NRCAM: variants seen among roughly 807,000 people sequenced by gnomAD.
NRCAM encodes NgCAM-related cell adhesion molecule.
NRCAM carries 83 observed loss-of-function variants against 156.5 expected under a neutral mutation model. The ratio of observed to expected loss-of-function variants is 0.53; its 90% CI spans 0.44 to 0.64. NRCAM has a LOEUF of 0.64. Among genes scored for constraint, NRCAM ranks in the 30% least tolerant of loss-of-function variants. The probability of loss-of-function intolerance (pLI) is 0.00; values close to 1 mark genes in which losing one functional copy is unlikely to be tolerated. For synonymous variants in NRCAM, 538 were observed against 563.9 expected (o/e 0.95, Z 0.65); for missense variants, 1,417 against 1,597.3 (o/e 0.89, Z 1.92).
Position 108,167,063 on chromosome 7 carries a change from T to A in NRCAM, c.3324A>T (p.Glu1108Asp). Residue 1108 changes from glutamate (E) to aspartate (D), a missense_variant, in exon 30 of 33, where the codon GAA becomes GAT. By Grantham distance (45) the Glu-to-Asp change is conservative. Transcript: ENST00000379028. ...AACCATTTACAATTTCTTTTCTCCA[T>A]TCTTCTTTGCCTATGGAAATTTTGC... Reference protein sequence around the residue: ...VEYGVAGSKEEWRKEIVNGSR... With the variant: ...VEYGVAGSKEDWRKEIVNGSR... 1 of 1,613,088 alleles carries A rather than the reference T, an allele frequency of 6.2e-7. No individual in the cohort carries two copies. The highest frequency in any genetic ancestry group is 1.1e-5 in the South Asian group (1 of 90,940).
chr7:108,280,644 A>G (rs1243689185), intron 3 of NRCAM, among the ~76,000 whole-genome samples: 1 of 152,258 alleles, frequency 6.6e-6, no homozygotes, highest in Non-Finnish European at 1.5e-5. Flanking sequence ...GCTACTGAAA[A>G]TAGTTTGACC....
chr7:108,316,378 A>AT (rs1186168519), intron 2 of NRCAM, among the ~76,000 whole-genome samples: 3 of 152,152 alleles, frequency 2.0e-5, no homozygotes, highest in Non-Finnish European at 4.4e-5. Flanking sequence ...AAATACATTT[A>AT]TTTTCCTTAT....
At chr7:108,329,585 G>C (rs1421752305) in intron 2 of NRCAM, among the ~76,000 whole-genome samples, 1 of 152,140 alleles carries the variant, frequency 6.6e-6, no homozygotes, top group Non-Finnish European at 1.5e-5. Flanking sequence ...AAACTGTTCT[G>C]CATTTATTAC....
At chr7:108,198,136 T>C in intron 13 of NRCAM, 37 bp from the exon 14 acceptor site, 1 of 1,555,464 alleles carries the variant, frequency 6.4e-7, no homozygotes, top group Non-Finnish European at 8.7e-7. Context: ...TTTATTCCTA[T>C]TTGCTTAAAA....
intron 3 of NRCAM, among the ~76,000 whole-genome samples, chr7:108,245,330 TA>T (rs1204726541): frequency 1.3e-5 from 2 of 152,078 alleles, no homozygotes; most frequent in African/African-American, 4.8e-5. Context: ...TTACTGATGT[TA>T]AAAAAAGAAA....
At chr7:108,204,865 G>T (rs574440297) in intron 13 of NRCAM, among the ~76,000 whole-genome samples, 6 of 152,278 alleles carry the variant, frequency 3.9e-5, no homozygotes, top group African/African-American at 1.4e-4. Context: ...ACAATTTAGG[G>T]TTACAAGAGG....
intron 20 of NRCAM, among the ~76,000 whole-genome samples, chr7:108,185,140 T>G (rs2065904614): frequency 6.6e-6 from 1 of 152,100 alleles, no homozygotes; most frequent in African/African-American, 2.4e-5. Flanking sequence ...CTTCGTTGAC[T>G]ATGACACAAG....
At chr7:108,423,397 G>A (rs1410329512) in intron 1 of NRCAM, among the ~76,000 whole-genome samples, 1 of 151,984 alleles carries the variant, frequency 6.6e-6, no homozygotes, top group Non-Finnish European at 1.5e-5. Flanking sequence ...AAGTGGGGAT[G>A]GGGGTGGAAA....
At chr7:108,273,066 A>G (rs1487284050) in intron 3 of NRCAM, among the ~76,000 whole-genome samples, 31 of 152,202 alleles carry the variant, frequency 2.0e-4, no homozygotes, top group Admixed American at 2.0e-3. Flanking sequence ...GTCCCTACAA[A>G]GGACATGAAC....
intron 2 of NRCAM, among the ~76,000 whole-genome samples, chr7:108,391,134 CTT>C (rs1157244218): frequency 3.9e-5 from 6 of 152,120 alleles, no homozygotes; most frequent in Admixed American, 6.6e-5. Context: ...TCCCTATTAA[CTT>C]TCTGTCTTGT....
In NRCAM at chr7:108,410,666, A is replaced by G. The variant is rs1306183466; in HGVS notation, c.-331-11073T>C. Among the ~76,000 whole-genome samples, 3 of 152,318 alleles carry G rather than the reference A, an allele frequency of 2.0e-5. No individual in the cohort carries two copies. In the East Asian group the frequency reaches 5.8e-4, roughly 29 times the overall value. On this transcript the variant is annotated intron_variant, in intron 1 of 32. Coordinates refer to ENST00000379028, the MANE Select transcript of NRCAM (RefSeq NM_001037132.4). Reference sequence around the variant, plus strand: ...ACAGTACTAAGAACTTTGTAAGGAGAACTGTCCAAGGACAAAACAGGTCAC... The same window carrying G: ...ACAGTACTAAGAACTTTGTAAGGAGGACTGTCCAAGGACAAAACAGGTCAC...
At chr7:108,291,342 T>C (rs1047245454) in intron 3 of NRCAM, among the ~76,000 whole-genome samples, 7 of 152,216 alleles carry the variant, frequency 4.6e-5, no homozygotes, top group Admixed American at 3.9e-4. Context: ...ATGCAATTTA[T>C]TTTTTAGTTA....
chr7:108,157,120 T>C (rs935709643), intron 32 of NRCAM, among the ~76,000 whole-genome samples: 2 of 152,170 alleles, frequency 1.3e-5, no homozygotes, highest in Admixed American at 6.6e-5. Flanking sequence ...CATTGAGTTA[T>C]GTTTCAAGTT....
intron 30 of NRCAM, among the ~76,000 whole-genome samples, chr7:108,162,143 T>C (rs1049931046): frequency 2.0e-5 from 3 of 152,228 alleles, no homozygotes; most frequent in Non-Finnish European, 4.4e-5. Context: ...GTTAAGAACT[T>C]GCCCAAGAGT....
chr7:108,191,331 A>G, intron 18 of NRCAM, 48 bp from the exon 19 acceptor site: 1 of 1,393,220 alleles, frequency 7.2e-7, no homozygotes, highest in Non-Finnish European at 1.0e-6. Context: ...TTAGTAATGG[A>G]AAGATACAAG....
chr7:108,404,224 T>A (rs2099801137), intron 1 of NRCAM, among the ~76,000 whole-genome samples: 1 of 146,024 alleles, frequency 6.8e-6, no homozygotes, highest in Non-Finnish European at 1.5e-5. Flanking sequence ...CCATCTCTGA[T>A]GACCATTGAG....
At chr7:108,174,300 A>G (rs1220948474) in intron 28 of NRCAM, among the ~76,000 whole-genome samples, 1 of 152,254 alleles carries the variant, frequency 6.6e-6, no homozygotes, top group African/African-American at 2.4e-5. Flanking sequence ...GTAATTTACC[A>G]AAGCTCTGAA....
chr7:108,308,529 G>T (rs1004652034), intron 3 of NRCAM, among the ~76,000 whole-genome samples: 4 of 152,158 alleles, frequency 2.6e-5, no homozygotes, highest in African/African-American at 9.7e-5. Context: ...TCCCCACTAG[G>T]CTACAATGGG....
chr7:108,359,884 G>T (rs1032451857), intron 2 of NRCAM, among the ~76,000 whole-genome samples: 4 of 152,096 alleles, frequency 2.6e-5, no homozygotes, highest in African/African-American at 9.7e-5. Context: ...CCATTCTCCA[G>T]TGGCAACCGA....
Sources: allele counts gnomAD v4.1 joint callset (sites outside exome capture counted in the v4.1 genomes callset), GRCh38; gene constraint gnomAD v4.1.1; transcripts MANE v1.5; gene names NCBI Gene and HGNC (gene_info 2026-07-23, HGNC 2026-07-21).